Variants in PCDH15 observed in about 807,000 individuals in gnomAD.
PCDH15 encodes protocadherin-15.
A neutral mutation model predicts 178.5 loss-of-function variants in PCDH15; 129 were observed. The observed-to-expected ratio is 0.72, with a 90% CI of 0.63 to 0.84. The LOEUF is 0.84. Among genes scored for constraint, PCDH15 ranks in the 40% least tolerant of loss-of-function variants. PCDH15 has a pLI of 0.00. For missense variants in PCDH15, 2,230 were observed against 2,099.9 expected, an observed-to-expected ratio of 1.06 and a Z score of -1.21; for synonymous variants, 800 against 732.0, an observed-to-expected ratio of 1.09 and a Z score of -1.50.
chr10:55,042,144 A>G (rs555997022), intron 2 of PCDH15, among the ~76,000 whole-genome samples: 2 of 152,266 alleles, frequency 1.3e-5, no homozygotes, highest in Admixed American at 1.3e-4. Flanking sequence ...ATTCTTAGAC[A>G]TGAAGATGAG....
chr10:54,166,410 T>A (rs1230404089), intron 13 of PCDH15, among the ~76,000 whole-genome samples: 1 of 152,186 alleles, frequency 6.6e-6, no homozygotes, highest in Non-Finnish European at 1.5e-5. Flanking sequence ...ACGAATCACC[T>A]AAAAATCTGT....
intron 3 of PCDH15, among the ~76,000 whole-genome samples, chr10:54,513,241 G>GTTTATTTATTTA (rs201541722): frequency 4.9e-4 from 72 of 145,978 alleles, no homozygotes; most frequent in East Asian, 3.1e-3. Flanking sequence ...ATTTATTTTT[G>GTTTATTTATTTA]TTTATTTATT....
intron 2 of PCDH15, among the ~76,000 whole-genome samples, chr10:54,933,274 C>T (rs945443218): frequency 6.6e-6 from 1 of 152,076 alleles, no homozygotes; most frequent in Non-Finnish European, 1.5e-5. Context: ...CCTCAATAAG[C>T]TGAGTAATTT....
In PCDH15 at chr10:54,600,075, T is replaced by C. The variant is rs375889476; in HGVS notation, c.91+64097A>G. On this transcript the variant is annotated intron_variant, in intron 2 of 37. Coordinates refer to ENST00000644397, the MANE Select transcript of PCDH15 (RefSeq NM_001384140.1). ...AGGAAGAAAAGGAAATCGAGGAAGC[T>C]CCCAAGGAATAGAAGGTAGAGAAAA... 3.6e-6 allele frequency: 4 copies of C among 1,112,516 alleles called. No individual in the cohort carries two copies. The Admixed American group carries it at 8.1e-5, about 22-fold the overall frequency. The allele number at this position is 1,112,516 out of a possible 1,614,324, so 68.9% of individuals were successfully genotyped here. A position where few individuals can be genotyped will look rare whatever the true frequency, so the allele number is the denominator to read the frequency against.
At chr10:54,615,737 A>C (rs1007384572) in intron 2 of PCDH15, among the ~76,000 whole-genome samples, 1 of 152,142 alleles carries the variant, frequency 6.6e-6, no homozygotes, top group Non-Finnish European at 1.5e-5. Context: ...ATATTTACAA[A>C]ATAAACATAA....
rs11004009 is a variant in PCDH15, at chr10:54,025,498, C to T, written c.2221-2301G>A. ...CCCTTGGTTCATGACACATTTCCAC[C>T]ATTTTTTTTTTTTTTTTTGAGACCA... On this transcript the variant is annotated intron_variant, in intron 18 of 37. Transcript: ENST00000644397. Among the ~76,000 whole-genome samples the T allele has an allele frequency of 5.7e-3, 775 of 135,474 alleles. 7 individuals carry two copies. Among genetic ancestry groups the T allele is most frequent in the Middle Eastern group, 0.036 (10 of 274 alleles). 88.9% of individuals were successfully genotyped at this position (135,474 alleles called of 152,430 possible). A position where few individuals can be genotyped will look rare whatever the true frequency, so the allele number is the denominator to read the frequency against.
intron 18 of PCDH15, among the ~76,000 whole-genome samples, chr10:54,043,112 T>C (rs1437013693): frequency 1.3e-5 from 2 of 152,114 alleles, no homozygotes; most frequent in Non-Finnish European, 2.9e-5. Context: ...TATGGGGGAA[T>C]GGGGAGCCTG....
chr10:54,013,455 A>G (rs1253378132), intron 20 of PCDH15, among the ~76,000 whole-genome samples: 2 of 152,194 alleles, frequency 1.3e-5, no homozygotes, highest in Admixed American at 6.5e-5. Context: ...CAGAATATAC[A>G]TACTTCTCAT....
intron 26 of PCDH15, among the ~76,000 whole-genome samples, chr10:53,880,976 C>T (rs2080667907): frequency 6.6e-6 from 1 of 152,150 alleles, no homozygotes; most frequent in Non-Finnish European, 1.5e-5. Context: ...CTCTCTCTCT[C>T]TCTGTATGTG....
intron 2 of PCDH15, among the ~76,000 whole-genome samples, chr10:54,906,230 C>G (rs1954719156): frequency 6.6e-6 from 1 of 152,084 alleles, no homozygotes; most frequent in Non-Finnish European, 1.5e-5. Flanking sequence ...CATTGAAAGT[C>G]TGCACAAGAA....
intron 2 of PCDH15, among the ~76,000 whole-genome samples, chr10:55,598,549 T>TAG (rs1405906462): frequency 3.0e-4 from 18 of 60,276 alleles, no homozygotes; most frequent in African/African-American, 1.5e-3. Flanking sequence ...TATATATATA[T>TAG]ATATATATAT....
chr10:55,566,754 C>G (rs956147910), intron 2 of PCDH15, among the ~76,000 whole-genome samples: 1 of 151,576 alleles, frequency 6.6e-6, no homozygotes, highest in East Asian at 1.9e-4. Flanking sequence ...ATAAAAGCTA[C>G]AAAACATTCC....
At chr10:54,162,852 T>C (rs2045850155) in intron 13 of PCDH15, among the ~76,000 whole-genome samples, 1 of 152,212 alleles carries the variant, frequency 6.6e-6, no homozygotes, top group Non-Finnish European at 1.5e-5. Context: ...CCATAGCTTA[T>C]ACATGTATAG....
At chr10:55,520,316 CATGCAATGTGTATATAT>C (rs1841140112) in intron 2 of PCDH15, among the ~76,000 whole-genome samples, 2 of 36,766 alleles carry the variant, frequency 5.4e-5, no homozygotes, top group East Asian at 3.0e-3. Flanking sequence ...TATATATATA[CATGCAATGTGTATATAT>C]ATATATATAT....
At chr10:55,489,344 C>A (rs957434253) in intron 2 of PCDH15, among the ~76,000 whole-genome samples, 1 of 151,518 alleles carries the variant, frequency 6.6e-6, no homozygotes, top group Admixed American at 6.6e-5. Context: ...TAGAAAATTA[C>A]CTCTGTCTTA....
intron 2 of PCDH15, among the ~76,000 whole-genome samples, chr10:55,156,658 T>A (rs1838899194): frequency 6.6e-6 from 1 of 152,190 alleles, no homozygotes; most frequent in Non-Finnish European, 1.5e-5. Context: ...ACTCTGCATC[T>A]TTCTGATTTC....
chr10:54,583,211 A>G (rs2091193266), intron 2 of PCDH15, among the ~76,000 whole-genome samples: 1 of 152,132 alleles, frequency 6.6e-6, no homozygotes, highest in Admixed American at 6.6e-5. Flanking sequence ...TTGAATTTAT[A>G]CCCAAAAATT....
chr10:53,899,908 C>T (rs2082212979), intron 26 of PCDH15, among the ~76,000 whole-genome samples: 3 of 152,088 alleles, frequency 2.0e-5, no homozygotes, highest in African/African-American at 2.4e-5. Flanking sequence ...CTCGTAAATC[C>T]CTTGCCTCCT....
chr10:55,255,718 T>C (rs1841978512), intron 1 of PCDH15, among the ~76,000 whole-genome samples: 1 of 152,250 alleles, frequency 6.6e-6, no homozygotes, highest in East Asian at 1.9e-4. Context: ...GATGAGCATT[T>C]CTTCATGTGT....
Sources: allele counts gnomAD v4.1 joint callset (sites outside exome capture counted in the v4.1 genomes callset), GRCh38; gene constraint gnomAD v4.1.1; transcripts MANE v1.5; gene names NCBI Gene and HGNC (gene_info 2026-07-23, HGNC 2026-07-21).